The following MICU1 variants were observed in gnomAD, a reference collection of about 807,000 sequenced individuals.
MICU1 encodes the protein mitochondrial calcium uptake 1, also known as calcium uptake protein 1, mitochondrial.
In MICU1, 45 loss-of-function variants were observed where a neutral mutation model predicts 56.8. The observed-to-expected ratio is 0.79, with a 90% confidence interval of 0.62 to 1.02. MICU1 has a LOEUF of 1.02. Ranked by LOEUF, MICU1 falls within the 50% of genes least tolerant of loss-of-function variation. MICU1 has a pLI of 0.00. For synonymous variants in MICU1, 186 were observed against 195.1 expected (o/e 0.95, Z 0.39); for missense variants, 504 against 587.1 (o/e 0.86, Z 1.46).
At chr10:72,464,428 C>A (rs188654529) in intron 8 of MICU1, among the ~76,000 whole-genome samples, 1 of 151,830 alleles carries the variant, frequency 6.6e-6, no homozygotes, top group Non-Finnish European at 1.5e-5. Context: ...CTTGCTGTGG[C>A]ATTTCCTCAC....
intron 3 of MICU1, among the ~76,000 whole-genome samples, chr10:72,553,237 T>C (rs947811808): frequency 6.8e-6 from 1 of 147,258 alleles, no homozygotes; most frequent in African/African-American, 2.5e-5. Context: ...CTTTCTTCTT[T>C]TTTTTTTTTT....
chr10:72,561,225 T>G (rs142097739), intron 3 of MICU1, among the ~76,000 whole-genome samples: 1 of 152,252 alleles, frequency 6.6e-6, no homozygotes, highest in East Asian at 1.9e-4. Flanking sequence ...GTATGAGATA[T>G]GCTCATCTGC....
intron 6 of MICU1, among the ~76,000 whole-genome samples, chr10:72,499,887 T>TACA: frequency 6.6e-6 from 1 of 152,302 alleles, no homozygotes; most frequent in African/African-American, 2.4e-5. Flanking sequence ...TGTGATCTGC[T>TACA]CTTGACTTCA....
At chr10:72,453,830 C>T (rs1865371232) in intron 8 of MICU1, among the ~76,000 whole-genome samples, 1 of 150,528 alleles carries the variant, frequency 6.6e-6, no homozygotes, top group Non-Finnish European at 1.5e-5. Flanking sequence ...CGCGCCTGGC[C>T]TACTTTATTT....
chr10:72,525,195 C>T (rs143071759), intron 5 of MICU1, among the ~76,000 whole-genome samples: 2 of 136,052 alleles, frequency 1.5e-5, no homozygotes, highest in East Asian at 3.9e-4. Flanking sequence ...GGCATTTGGA[C>T]AAGCAGTTGT....
At chr10:72,476,595 T>C (rs1015494131) in intron 7 of MICU1, among the ~76,000 whole-genome samples, 3 of 152,204 alleles carry the variant, frequency 2.0e-5, no homozygotes, top group African/African-American at 7.2e-5. Flanking sequence ...GCCCCTTTCC[T>C]CATTTTGAGA....
intron 1 of MICU1, among the ~76,000 whole-genome samples, chr10:72,586,651 C>CA (rs766455279): frequency 0.014 from 1,734 of 125,388 alleles, 25 homozygotes; most frequent in African/African-American, 0.038. Flanking sequence ...GACTCCATCT[C>CA]AAAAAAAAAA....
intron 5 of MICU1, among the ~76,000 whole-genome samples, chr10:72,528,014 T>C (rs1223784248): frequency 1.3e-5 from 2 of 152,074 alleles, no homozygotes; most frequent in Non-Finnish European, 1.5e-5. Context: ...TTAGTGGAGA[T>C]GGGGTTTCAC....
At chr10:72,555,011 T>G (rs188243312) in intron 3 of MICU1, among the ~76,000 whole-genome samples, 1 of 152,006 alleles carries the variant, frequency 6.6e-6, no homozygotes, top group Non-Finnish European at 1.5e-5. Context: ...AGAGACTCTA[T>G]CTCAAAACAA....
chr10:72,410,618 TCAAAA>T (rs1183598514), intron 9 of MICU1, among the ~76,000 whole-genome samples: 4 of 152,252 alleles, frequency 2.6e-5, no homozygotes, highest in Admixed American at 6.5e-5. Flanking sequence ...AAACTCTGTC[TCAAAA>T]CAAAACAAAA....
chr10:72,615,744 A>G (rs1337525770), intron 1 of MICU1, among the ~76,000 whole-genome samples: 2 of 152,002 alleles, frequency 1.3e-5, no homozygotes, highest in Non-Finnish European at 2.9e-5. Flanking sequence ...TAATCCCAGC[A>G]CTTTGGGAGG....
intron 4 of MICU1, among the ~76,000 whole-genome samples, chr10:72,541,549 A>C (rs924134561): frequency 3.9e-5 from 6 of 152,132 alleles, no homozygotes; most frequent in African/African-American, 7.2e-5. Context: ...AGGCAGCCTC[A>C]GTGCATGAGG....
At chr10:72,469,634 C>T (rs574225781) in intron 8 of MICU1, among the ~76,000 whole-genome samples, 1 of 152,180 alleles carries the variant, frequency 6.6e-6, no homozygotes, top group Admixed American at 6.5e-5. Flanking sequence ...TACTAGGTGG[C>T]AGTGGGTATA....
At chr10:72,494,931 C>A (rs1412802081) in intron 6 of MICU1, among the ~76,000 whole-genome samples, 1 of 151,994 alleles carries the variant, frequency 6.6e-6, no homozygotes, top group Non-Finnish European at 1.5e-5. Context: ...CAGTGTACAG[C>A]CTATCTATGA....
intron 1 of MICU1, among the ~76,000 whole-genome samples, chr10:72,579,856 A>G: frequency 6.6e-6 from 1 of 152,192 alleles, no homozygotes; most frequent in Non-Finnish European, 1.5e-5. Context: ...TAAGGTGCAT[A>G]TGAAACATAA....
intron 11 of MICU1, among the ~76,000 whole-genome samples, chr10:72,370,154 G>T (rs1013096300): frequency 2.6e-5 from 4 of 152,128 alleles, no homozygotes; most frequent in African/African-American, 9.7e-5. Flanking sequence ...TGGATTACAG[G>T]CGTGAGACAC....
chr10:72,526,812 T>G (rs1176239443), intron 5 of MICU1, among the ~76,000 whole-genome samples: 1 of 151,886 alleles, frequency 6.6e-6, no homozygotes, highest in Non-Finnish European at 1.5e-5. Context: ...GTATACGACC[T>G]CTTAAAAATT....
chr10:72,467,078 G>A (rs775702185), intron 8 of MICU1, among the ~76,000 whole-genome samples: 6 of 151,058 alleles, frequency 4.0e-5, no homozygotes, highest in Non-Finnish European at 8.8e-5. Context: ...GTCTCACTCC[G>A]ACCTCCACCT....
At chr10:72,487,601 T>C (rs1025954375) in intron 6 of MICU1, among the ~76,000 whole-genome samples, 2 of 152,190 alleles carry the variant, frequency 1.3e-5, no homozygotes, top group African/African-American at 4.8e-5. Context: ...GCTTGCTGAC[T>C]TTCTGAAGGG....
Sources: gnomAD v4.1 joint callset for allele counts (sites outside exome capture counted in the v4.1 genomes callset) on GRCh38, gnomAD v4.1.1 for gene constraint, MANE v1.5 for transcripts, NCBI Gene and HGNC (gene_info 2026-07-23, HGNC 2026-07-21) for gene names.